Variants in UBE2G1 observed in about 807,000 individuals in gnomAD.
The protein encoded by UBE2G1 is ubiquitin-conjugating enzyme E2 G1.
A neutral mutation model predicts 22.7 loss-of-function variants in UBE2G1; 5 were observed. The ratio of observed to expected loss-of-function variants is 0.22; its 90% CI spans 0.12 to 0.46. The LOEUF is 0.46. Among genes scored for constraint, UBE2G1 ranks in the 20% least tolerant of loss-of-function variants. UBE2G1 has a pLI of 0.99. For missense variants in UBE2G1, 88 were observed against 203.9 expected, an observed-to-expected ratio of 0.43 and a Z score of 3.46; for synonymous variants, 74 against 67.5, an observed-to-expected ratio of 1.10 and a Z score of -0.47.
At chr17:4,308,428 G>A (rs896668511) in intron 1 of UBE2G1, among the ~76,000 whole-genome samples, 1 of 152,220 alleles carries the variant, frequency 6.6e-6, no homozygotes, top group Non-Finnish European at 1.5e-5. Flanking sequence ...AGAAGGCTAA[G>A]GCAGGAGAAC....
chr17:4,358,739 G>A (rs1969935037), intron 1 of UBE2G1, among the ~76,000 whole-genome samples: 1 of 152,118 alleles, frequency 6.6e-6, no homozygotes, highest in Non-Finnish European at 1.5e-5. Context: ...ATCACCTGAG[G>A]TCAGGAGTTC....
intron 1 of UBE2G1, among the ~76,000 whole-genome samples, chr17:4,307,787 G>C (rs1469073244): frequency 3.3e-5 from 5 of 152,140 alleles, no homozygotes; most frequent in African/African-American, 9.7e-5. Flanking sequence ...CTGCAGCATC[G>C]TGAGGTTCTC....
At position 4,329,991 on chromosome 17, in the gene UBE2G1, G is replaced by C. The variant is rs1186025620; in HGVS notation, c.47-22868C>G. ...CACCAGGAGAAAGCTTAAGTATCGTGCTCTTTGAGTGGAAAGACTAGCTTA... is the reference window on the plus strand; with the variant it reads ...CACCAGGAGAAAGCTTAAGTATCGTCCTCTTTGAGTGGAAAGACTAGCTTA... On this transcript the variant is annotated intron_variant, in intron 1 of 5. Transcript: ENST00000396981. Among the ~76,000 whole-genome samples the C allele has an allele frequency of 2.6e-5, 4 of 152,054 alleles. No homozygotes were observed. The East Asian group carries it at 5.8e-4, about 22-fold the overall frequency.
intron 1 of UBE2G1, among the ~76,000 whole-genome samples, chr17:4,319,888 G>A (rs1024138676): frequency 1.8e-4 from 27 of 152,056 alleles, no homozygotes; most frequent in African/African-American, 6.5e-4. Flanking sequence ...AAAAACGCAG[G>A]TGAAAGGGAC....
chr17:4,281,423 C>A (rs145126185), intron 5 of UBE2G1, among the ~76,000 whole-genome samples: 1 of 152,060 alleles, frequency 6.6e-6, no homozygotes, highest in Non-Finnish European at 1.5e-5. Context: ...AAGAAAGCAG[C>A]GGAGTGTAGG....
intron 1 of UBE2G1, among the ~76,000 whole-genome samples, chr17:4,314,736 T>C (rs1969347251): frequency 1.3e-5 from 2 of 152,128 alleles, no homozygotes; most frequent in Non-Finnish European, 2.9e-5. Context: ...AACCACCACA[T>C]ATGAAGTAAT....
chr17:4,322,139 G>A (rs1458051680), intron 1 of UBE2G1, among the ~76,000 whole-genome samples: 1 of 152,138 alleles, frequency 6.6e-6, no homozygotes, highest in Non-Finnish European at 1.5e-5. Flanking sequence ...GTTAAAAACT[G>A]GAACAGGTAA....
chr17:4,299,154 T>C (rs927493119), intron 2 of UBE2G1, among the ~76,000 whole-genome samples: 16 of 152,234 alleles, frequency 1.1e-4, no homozygotes, highest in African/African-American at 3.6e-4. Flanking sequence ...AATCTATGTA[T>C]GTGTTTTATT....
chr17:4,339,134 T>C (rs1420160224), intron 1 of UBE2G1, among the ~76,000 whole-genome samples: 4 of 152,206 alleles, frequency 2.6e-5, no homozygotes, highest in African/African-American at 9.6e-5. Context: ...TTTTCGACAT[T>C]AACATCATGT....
chr17:4,343,589 T>C (rs1001397502), intron 1 of UBE2G1, among the ~76,000 whole-genome samples: 3 of 113,834 alleles, frequency 2.6e-5, no homozygotes, highest in African/African-American at 1.8e-4. Flanking sequence ...TCTTCAAACC[T>C]TTTTTCTTTT....
intron 1 of UBE2G1, among the ~76,000 whole-genome samples, chr17:4,358,610 C>T (rs1969933532): frequency 6.6e-6 from 1 of 152,154 alleles, no homozygotes; most frequent in African/African-American, 2.4e-5. Flanking sequence ...TTCATGATGT[C>T]CAGTTTACTA....
At chr17:4,296,590 G>A in intron 3 of UBE2G1, 127 bp downstream of exon 3, 1 of 937,862 alleles carries the variant, frequency 1.1e-6, no homozygotes, top group Non-Finnish European at 1.7e-6. Context: ...ACAGCCATGT[G>A]CACAATGAAC....
Position 4,366,423 on chromosome 17 carries a change from G to A in UBE2G1, c.-107C>T, listed in dbSNP as rs771912527. ...GCCGAGGAACCCGGGCCCCGCGACC[G>A]GAGCGCCGGAGCCGAGGAAGGCCGG... On this transcript the variant is annotated 5_prime_UTR_variant, in exon 1 of 6. Transcript: ENST00000396981. 1.7e-6 allele frequency: 2 copies of A among 1,165,168 alleles called. No homozygotes were observed. Among genetic ancestry groups the A allele is most frequent in the Non-Finnish European group, 2.2e-6 (2 of 897,414 alleles). The allele number at this position is 1,165,168 out of a possible 1,614,324, so 72.2% of individuals were successfully genotyped here. A position where few individuals can be genotyped will look rare whatever the true frequency, so the allele number is the denominator to read the frequency against.
At chr17:4,337,319 T>C (rs1187128224) in intron 1 of UBE2G1, among the ~76,000 whole-genome samples, 1 of 69,496 alleles carries the variant, frequency 1.4e-5, no homozygotes, top group Non-Finnish European at 2.7e-5. Context: ...CTAATCTGTG[T>C]AAAAAAAAAA....
intron 4 of UBE2G1, among the ~76,000 whole-genome samples, chr17:4,284,430 C>T (rs1354199748): frequency 6.6e-6 from 1 of 151,908 alleles, no homozygotes; most frequent in Non-Finnish European, 1.5e-5. Context: ...GAAACCCCAT[C>T]TCTACTAAAA....
intron 1 of UBE2G1, among the ~76,000 whole-genome samples, chr17:4,308,939 C>T (rs1969277680): frequency 6.6e-6 from 1 of 152,126 alleles, no homozygotes; most frequent in Admixed American, 6.5e-5. Context: ...AACATGCCAG[C>T]AAAATAGGAG....
At chr17:4,289,168 C>CA (rs1808285104) in intron 4 of UBE2G1, 62 bp downstream of exon 4, 1 of 1,417,968 alleles carries the variant, frequency 7.1e-7, no homozygotes. Context: ...TACATACTAA[C>CA]TATAGTTCAG....
At chr17:4,360,948 G>A (rs568906813) in intron 1 of UBE2G1, among the ~76,000 whole-genome samples, 7 of 152,298 alleles carry the variant, frequency 4.6e-5, no homozygotes, top group East Asian at 1.9e-4. Flanking sequence ...CGGGCTGGGC[G>A]CAGTGGCTCC....
At chr17:4,356,090 T>G (rs1247173512) in intron 1 of UBE2G1, among the ~76,000 whole-genome samples, 2 of 147,012 alleles carry the variant, frequency 1.4e-5, no homozygotes, top group African/African-American at 5.0e-5. Context: ...GCACGGTGGC[T>G]TACGCCTGTA....
Sources: gnomAD v4.1 joint callset for allele counts (sites outside exome capture counted in the v4.1 genomes callset) on GRCh38, gnomAD v4.1.1 for gene constraint, MANE v1.5 for transcripts, NCBI Gene and HGNC (gene_info 2026-07-23, HGNC 2026-07-21) for gene names.